Variants in HLCS observed in about 807,000 individuals in gnomAD.
The protein encoded by HLCS is biotin--protein ligase.
In HLCS, 53 loss-of-function variants were observed where a neutral mutation model predicts 75.0. The observed-to-expected ratio is 0.71, with a 90% CI of 0.57 to 0.89. The LOEUF is 0.89. Among genes scored for constraint, HLCS ranks in the 40% least tolerant of loss-of-function variants. The probability of loss-of-function intolerance (pLI) is 0.00; values close to 1 mark genes in which losing one functional copy is unlikely to be tolerated. For missense variants in HLCS, 966 were observed against 1,074.0 expected, an observed-to-expected ratio of 0.90 and a Z score of 1.41; for synonymous variants, 431 against 428.6, an observed-to-expected ratio of 1.01 and a Z score of -0.07.
intron 1 of HLCS, among the ~76,000 whole-genome samples, chr21:36,972,775 A>G (rs1025791965): frequency 6.6e-6 from 1 of 152,240 alleles, no homozygotes; most frequent in Admixed American, 6.5e-5. Flanking sequence ...GGGTACTTCT[A>G]TATTGAAATC....
chr21:36,964,086 G>T (rs973906450), intron 1 of HLCS, among the ~76,000 whole-genome samples: 3 of 151,806 alleles, frequency 2.0e-5, no homozygotes, highest in Admixed American at 6.6e-5. Flanking sequence ...TTAGCCAGGC[G>T]TGGTGGCTCA....
intron 6 of HLCS, among the ~76,000 whole-genome samples, chr21:36,821,727 T>A (rs948104201): frequency 1.3e-5 from 2 of 152,232 alleles, no homozygotes; most frequent in Non-Finnish European, 2.9e-5. Context: ...TTTGTCTGAA[T>A]AGACTGAAGA....
chr21:36,938,090 TTG>T (rs1256942131), intron 3 of HLCS, among the ~76,000 whole-genome samples: 1 of 152,198 alleles, frequency 6.6e-6, no homozygotes, highest in Non-Finnish European at 1.5e-5. Context: ...GAAGAACAGT[TTG>T]TGTGTTTCCT....
At chr21:36,888,402 T>G (rs2064564209) in intron 6 of HLCS, among the ~76,000 whole-genome samples, 1 of 134,744 alleles carries the variant, frequency 7.4e-6, no homozygotes, top group South Asian at 2.5e-4. Flanking sequence ...GCAGCTATTC[T>G]CCCCAATGCG....
chr21:36,832,434 G>A (rs1167167614), intron 6 of HLCS, among the ~76,000 whole-genome samples: 2 of 152,200 alleles, frequency 1.3e-5, no homozygotes, highest in Non-Finnish European at 2.9e-5. Context: ...AGGGTTGGAA[G>A]GGAGCTGGTG....
At chr21:36,785,738 G>A (rs1188241250) in intron 6 of HLCS, among the ~76,000 whole-genome samples, 1 of 152,074 alleles carries the variant, frequency 6.6e-6, no homozygotes, top group African/African-American at 2.4e-5. Flanking sequence ...GGAGGCAGTG[G>A]GTGTATCCTG....
At chr21:36,857,792 G>T (rs1026794678) in intron 6 of HLCS, among the ~76,000 whole-genome samples, 1 of 151,894 alleles carries the variant, frequency 6.6e-6, no homozygotes, top group Non-Finnish European at 1.5e-5. Context: ...TTTGTTTTTT[G>T]TTGTTGTTGT....
intron 6 of HLCS, among the ~76,000 whole-genome samples, chr21:36,856,943 A>G (rs2063216183): frequency 6.6e-6 from 1 of 152,230 alleles, no homozygotes; most frequent in South Asian, 2.1e-4. Context: ...ATTACCTTAA[A>G]TTAGTAATTT....
chr21:36,974,724 G>T (rs2068891018), intron 1 of HLCS: 1 of 152,108 alleles, frequency 6.6e-6, no homozygotes, highest in African/African-American at 2.4e-5. Context: ...ATGCACAGGG[G>T]GACAATCCTG....
intron 5 of HLCS, among the ~76,000 whole-genome samples, chr21:36,916,267 A>C (rs1409503610): frequency 6.6e-6 from 1 of 152,212 alleles, no homozygotes; most frequent in Non-Finnish European, 1.5e-5. Context: ...TTCCTAGATC[A>C]GAGGGGTAGA....
At chr21:36,896,676 T>A (rs1168034902) in intron 6 of HLCS, 184 bp downstream of exon 6, 2 of 661,842 alleles carry the variant, frequency 3.0e-6, no homozygotes, top group Non-Finnish European at 5.1e-6. Context: ...AAACCTGTGA[T>A]CAAAGAACTT....
At chr21:36,787,038 A>G (rs984385465) in intron 6 of HLCS, among the ~76,000 whole-genome samples, 1 of 152,242 alleles carries the variant, frequency 6.6e-6, no homozygotes, top group Non-Finnish European at 1.5e-5. Flanking sequence ...TTCACAGTTC[A>G]TAATTCCATC....
intron 6 of HLCS, among the ~76,000 whole-genome samples, chr21:36,813,471 T>C (rs937038397): frequency 2.0e-4 from 30 of 152,186 alleles, no homozygotes; most frequent in African/African-American, 7.0e-4. Context: ...GCAGGGATCA[T>C]GGGAGAAAGG....
chr21:36,816,466 T>C (rs2061667925), intron 6 of HLCS, among the ~76,000 whole-genome samples: 1 of 152,002 alleles, frequency 6.6e-6, no homozygotes, highest in Admixed American at 6.6e-5. Context: ...GTCTAGGAAA[T>C]ACACAGGAGG....
chr21:36,882,423 TTTTGGGG>T (rs2064261314), intron 6 of HLCS, among the ~76,000 whole-genome samples: 1 of 151,606 alleles, frequency 6.6e-6, no homozygotes, highest in Non-Finnish European at 1.5e-5. Context: ...CAGTCTGAGA[TTTTGGGG>T]TTTTTTTGTT....
At chr21:36,850,445 G>T (rs1170797146) in intron 6 of HLCS, among the ~76,000 whole-genome samples, 1 of 152,252 alleles carries the variant, frequency 6.6e-6, no homozygotes, top group East Asian at 1.9e-4. Context: ...CAGGGAGTCT[G>T]AGAAAATCGG....
intron 1 of HLCS, among the ~76,000 whole-genome samples, chr21:36,987,893 G>A (rs2069257155): frequency 6.6e-6 from 1 of 152,150 alleles, no homozygotes; most frequent in Admixed American, 6.5e-5. Flanking sequence ...ACTAAGTGAA[G>A]TACAAAATTT....
At chr21:36,915,847 G>A (rs1189502877) in intron 5 of HLCS, among the ~76,000 whole-genome samples, 7 of 152,018 alleles carry the variant, frequency 4.6e-5, no homozygotes, top group East Asian at 3.9e-4. Context: ...GCGGGCAGCC[G>A]CTCGGGCAGA....
rs143463463 is a variant in HLCS at position 36,897,037 on chromosome 21, G to A, written c.1715C>T (p.Ser572Phe). 1 of 1,614,022 alleles carries A rather than the reference G, an allele frequency of 6.2e-7. No homozygotes were observed. Among genetic ancestry groups the A allele is most frequent in the African/African-American group, 1.3e-5 (1 of 74,928 alleles). The change falls in exon 6 of 11, where the codon TCC (serine) becomes TTC (phenylalanine). Residue 572 changes from serine (S) to phenylalanine (F), a missense_variant. Ser to Phe is a radical substitution (Grantham distance 155). Coordinates refer to ENST00000674895, the MANE Select transcript of HLCS (RefSeq NM_001352514.2). ...GGTTATTTCTACTTCAGACACGTAGGATGAAACAAATCTAAGAGAGAGCTG... is the reference window on the plus strand; with the variant it reads ...GGTTATTTCTACTTCAGACACGTAGAATGAAACAAATCTAAGAGAGAGCTG... ...SGQLSLRFVS[S>F]YVSEVEITPS...
Sources: gnomAD v4.1 joint callset for allele counts (sites outside exome capture counted in the v4.1 genomes callset) on GRCh38, gnomAD v4.1.1 for gene constraint, MANE v1.5 for transcripts, NCBI Gene and HGNC (gene_info 2026-07-23, HGNC 2026-07-21) for gene names.